MAP2: variants seen among roughly 807,000 people sequenced by gnomAD.
MAP2 encodes microtubule associated protein 2.
Under a neutral mutation model 137.6 loss-of-function variants are expected in MAP2, and 14 were observed. That is an observed-to-expected ratio of 0.10 (90% CI 0.07 to 0.16). MAP2 has a LOEUF of 0.16. Ranked by LOEUF, MAP2 falls within the 10% of genes least tolerant of loss-of-function variation. MAP2 has a pLI of 1.00. For synonymous variants in MAP2, 786 were observed against 782.3 expected (o/e 1.00, Z -0.08); for missense variants, 2,088 against 2,191.5 (o/e 0.95, Z 0.94).
At position 209,693,286 on chromosome 2, in the gene MAP2, T is replaced by G; in HGVS notation, c.1116T>G (p.His372Gln). The change falls in exon 8 of 16, where the codon CAT (histidine) becomes CAG (glutamine). Residue 372 changes from histidine to glutamine, a missense_variant. By Grantham distance (24) the His-to-Gln change is conservative. Coordinates refer to ENST00000682079, the MANE Select transcript of MAP2 (RefSeq NM_001375505.1). ...AKDSFKIEEP[H>Q]EAKPDKMAEA... Reference sequence around the variant, plus strand: ...ATAGTTTTAAAATTGAAGAGCCCCATGAGGCTAAACCTGACAAAATGGCAG... The same window carrying G: ...ATAGTTTTAAAATTGAAGAGCCCCAGGAGGCTAAACCTGACAAAATGGCAG... 1 of 1,614,064 alleles carries G rather than the reference T, an allele frequency of 6.2e-7. No homozygotes were observed. The highest frequency in any genetic ancestry group is 8.5e-7 in the Non-Finnish European group (1 of 1,179,994).
chr2:209,489,861 A>C (rs1174701882), intron 1 of MAP2, among the ~76,000 whole-genome samples: 1 of 152,242 alleles, frequency 6.6e-6, no homozygotes, highest in African/African-American at 2.4e-5. Flanking sequence ...CAAGATGGAA[A>C]ACACACTTCA....
At chr2:209,564,642 A>T (rs191498204) in intron 2 of MAP2, among the ~76,000 whole-genome samples, 2,937 of 150,338 alleles carry the variant, frequency 0.02, 97 homozygotes, top group African/African-American at 0.068. Flanking sequence ...TTCCCCATAG[A>T]TGGTGCTGGG....
chr2:209,523,466 GTAT>G (rs2063572209), intron 2 of MAP2, among the ~76,000 whole-genome samples: 1 of 152,004 alleles, frequency 6.6e-6, no homozygotes, highest in Non-Finnish European at 1.5e-5. Flanking sequence ...GCTGTCCTGA[GTAT>G]TCCCTTTCTA....
chr2:209,573,203 G>A (rs1247943255), intron 2 of MAP2, among the ~76,000 whole-genome samples: 5 of 151,896 alleles, frequency 3.3e-5, no homozygotes, highest in Non-Finnish European at 7.4e-5. Context: ...TTAATTAGTG[G>A]CCATGGAATT....
Position 209,692,983 on chromosome 2 carries a change from G to A in MAP2, c.813G>A (p.Thr271=), listed in dbSNP as rs147274334. The A allele has an allele frequency of 5.5e-5, 89 of 1,611,768 alleles. No homozygotes were observed. In the African/African-American group the frequency reaches 7.0e-4, roughly 13 times the overall value. ...AGGACTGGTTCATCGAAATGCCAAC[G>A]GAAGCAAAAAAGGATGAGTGGGGTT... The part of the protein sequence containing the change: ...EQKDWFIEMP[T]EAKKDEWGLV... Residue 271 remains threonine, a synonymous_variant, in exon 8 of 16, where the codon ACG becomes ACA. Transcript: ENST00000682079.
intron 3 of MAP2, among the ~76,000 whole-genome samples, chr2:209,616,174 A>G (rs1388919576): frequency 6.6e-6 from 1 of 150,574 alleles, no homozygotes; most frequent in South Asian, 2.2e-4. Flanking sequence ...TAACACAGCT[A>G]TAACCAGCTT....
At chr2:209,700,588 C>A (rs564810755) in intron 11 of MAP2, among the ~76,000 whole-genome samples, 6 of 152,060 alleles carry the variant, frequency 3.9e-5, no homozygotes, top group Non-Finnish European at 8.8e-5. Flanking sequence ...ACATAGAAAG[C>A]AGCACAATGA....
chr2:209,690,832 T>C, intron 7 of MAP2: 2 of 1,284,426 alleles, frequency 1.6e-6, no homozygotes, highest in Non-Finnish European at 2.0e-6. Flanking sequence ...TAAAAACCCC[T>C]TCCTCTGCTG....
chr2:209,567,723 T>C (rs1216347831), intron 2 of MAP2, among the ~76,000 whole-genome samples: 4 of 152,006 alleles, frequency 2.6e-5, no homozygotes, highest in Admixed American at 1.3e-4. Flanking sequence ...AGTATAAATA[T>C]AACATAACAT....
chr2:209,428,565 T>C (rs1236755211), intron 1 of MAP2, among the ~76,000 whole-genome samples: 1 of 152,030 alleles, frequency 6.6e-6, no homozygotes, highest in East Asian at 1.9e-4. Flanking sequence ...CATTGGTCTT[T>C]AGAAAATGAA....
intron 3 of MAP2, among the ~76,000 whole-genome samples, chr2:209,602,926 CTCCGGTAG>C (rs1391889760): frequency 1.3e-5 from 2 of 152,128 alleles, no homozygotes; most frequent in African/African-American, 4.8e-5. Flanking sequence ...GACTGCAGGT[CTCCGGTAG>C]TCCTAGGAGG....
At chr2:209,686,039 A>G (rs2056889190) in intron 7 of MAP2, among the ~76,000 whole-genome samples, 2 of 152,228 alleles carry the variant, frequency 1.3e-5, no homozygotes, top group African/African-American at 2.4e-5. Flanking sequence ...ACTTGCATAC[A>G]TGGGGAATTT....
intron 1 of MAP2, among the ~76,000 whole-genome samples, chr2:209,497,612 C>A (rs1376781923): frequency 6.6e-6 from 1 of 152,172 alleles, no homozygotes; most frequent in South Asian, 2.1e-4. Flanking sequence ...GTGCTGGCAT[C>A]AGCTCATGGG....
At chr2:209,714,495 C>CA (rs1178516846) in intron 13 of MAP2, among the ~76,000 whole-genome samples, 1 of 152,190 alleles carries the variant, frequency 6.6e-6, no homozygotes, top group East Asian at 1.9e-4. Flanking sequence ...AAACAGTACT[C>CA]ACTTTTTAAA....
At chr2:209,661,299 A>G (rs1426127991) in intron 5 of MAP2, among the ~76,000 whole-genome samples, 2 of 152,202 alleles carry the variant, frequency 1.3e-5, no homozygotes, top group African/African-American at 2.4e-5. Flanking sequence ...TATGCGGAGC[A>G]AAATAGCACT....
chr2:209,582,165 G>A (rs17789843), intron 3 of MAP2, among the ~76,000 whole-genome samples: 3,642 of 151,976 alleles, frequency 0.024, 76 homozygotes, highest in Middle Eastern at 0.071. Flanking sequence ...GAATTTGTCA[G>A]CATTTTCCCC....
rs1443006053 is a variant in MAP2, at chr2:209,471,596, C to CT, written c.-221-35991dup. On this transcript the variant is annotated intron_variant, in intron 1 of 15. Transcript: ENST00000682079. ...TAAAAGTTTTTAAGAACTGTGGGAA[C>CT]TTTTTAACCTAGTACTTAAATGATT... is the stretch of plus-strand genomic sequence containing the variant. 5.3e-5 allele frequency among the ~76,000 whole-genome samples: 8 copies of CT among 152,206 alleles called. No individual in the cohort carries two copies. The South Asian group carries it at 1.7e-3, about 32-fold the overall frequency.
chr2:209,464,095 A>C (rs1238702780), intron 1 of MAP2, among the ~76,000 whole-genome samples: 1 of 152,122 alleles, frequency 6.6e-6, no homozygotes, highest in African/African-American at 2.4e-5. Flanking sequence ...ATTTTTCTTC[A>C]TGAACAGGTC....
At chr2:209,441,123 G>A (rs982693588) in intron 1 of MAP2, among the ~76,000 whole-genome samples, 23 of 151,532 alleles carry the variant, frequency 1.5e-4, no homozygotes, top group Admixed American at 5.3e-4. Context: ...AGAGCTGTTG[G>A]AAAGATGAGA....
Sources: allele counts gnomAD v4.1 joint callset (sites outside exome capture counted in the v4.1 genomes callset), GRCh38; gene constraint gnomAD v4.1.1; transcripts MANE v1.5; gene names NCBI Gene and HGNC (gene_info 2026-07-23, HGNC 2026-07-21).